The following SH3GL2 variants were observed in gnomAD, a reference collection of about 807,000 sequenced individuals.
SH3GL2 encodes the protein endophilin-A1.
In SH3GL2, 24 loss-of-function variants were observed where a neutral mutation model predicts 46.0. The observed-to-expected ratio is 0.52, with a 90% confidence interval of 0.38 to 0.73. The LOEUF (loss-of-function observed/expected upper bound fraction) is 0.73. Ranked by LOEUF, SH3GL2 falls within the 30% of genes least tolerant of loss-of-function variation. The pLI is 0.00. For missense variants in SH3GL2, 413 were observed against 424.2 expected (o/e 0.97, Z 0.23); for synonymous variants, 196 against 147.1 (o/e 1.33, Z -2.40).
At position 17,679,731 on chromosome 9, in the gene SH3GL2, G is replaced by T. The variant is rs187808879; in HGVS notation, c.46-67335G>T. On this transcript the variant is annotated intron_variant, in intron 1 of 8. Transcript: ENST00000380607. Reference sequence around the variant, plus strand: ...GAGTTTTCAAAGGGAATGCTTCCAGGTTTTGCCCATTCAGTATGATATTGG... The same window carrying T: ...GAGTTTTCAAAGGGAATGCTTCCAGTTTTTGCCCATTCAGTATGATATTGG... 1.7e-3 allele frequency among the ~76,000 whole-genome samples: 259 copies of T among 152,192 alleles called. 3 individuals are homozygous for T. Among genetic ancestry groups the T allele is most frequent in the African/African-American group, 5.1e-3 (211 of 41,534 alleles).
Position 17,787,365 on chromosome 9 carries a change from T to A in SH3GL2, c.332-15T>A. On this transcript the variant is annotated splice_polypyrimidine_tract_variant and intron_variant, in intron 4 of 8. Transcript: ENST00000380607. Reference sequence around the variant, plus strand: ...TCTTTATTCTGTAACATGAAAGAGCTTTATTCTCTCCTAGGCCCAGCACTT... The same window carrying A: ...TCTTTATTCTGTAACATGAAAGAGCATTATTCTCTCCTAGGCCCAGCACTT... The A allele has an allele frequency of 6.2e-7, 1 of 1,607,544 alleles. No individual in the cohort carries two copies. The highest frequency in any genetic ancestry group is 1.7e-5 in the Admixed American group (1 of 58,738).
chr9:17,681,097 T>C (rs1436040813), intron 1 of SH3GL2, among the ~76,000 whole-genome samples: 1 of 152,154 alleles, frequency 6.6e-6, no homozygotes, highest in Non-Finnish European at 1.5e-5. Context: ...CCAAATCTTT[T>C]AACTACCCAT....
chr9:17,762,335 G>A (rs1823200015), intron 3 of SH3GL2, among the ~76,000 whole-genome samples: 1 of 151,580 alleles, frequency 6.6e-6, no homozygotes, highest in Non-Finnish European at 1.5e-5. Context: ...TCCTAGAGAG[G>A]ATGGTGCAGA....
At chr9:17,750,504 G>T (rs1188404250) in intron 2 of SH3GL2, among the ~76,000 whole-genome samples, 1 of 152,020 alleles carries the variant, frequency 6.6e-6, no homozygotes, top group Non-Finnish European at 1.5e-5. Context: ...TGATTGGATA[G>T]AATCCTGCGG....
intron 1 of SH3GL2, among the ~76,000 whole-genome samples, chr9:17,626,335 G>C (rs1451283635): frequency 6.6e-6 from 1 of 152,210 alleles, no homozygotes. Context: ...GGACCTTTGT[G>C]AGGGACAGTT....
intron 7 of SH3GL2, 58 bp from the exon 8 acceptor site, chr9:17,793,309 T>C: frequency 1.3e-6 from 2 of 1,488,252 alleles, no homozygotes; most frequent in Non-Finnish European, 1.8e-6. Context: ...ATATTTGCTT[T>C]TCATTTTACT....
rs377071479 is a variant in SH3GL2, at chr9:17,710,490, G to C, written c.46-36576G>C. ...TGCAATTTAGGAATGAGAAGCTAGA[G>C]GAATTTTTCAACAAATTAAAACAAT... On this transcript the variant is annotated intron_variant, in intron 1 of 8. Transcript: ENST00000380607. Among the ~76,000 whole-genome samples the C allele has an allele frequency of 3.0e-4, 46 of 151,924 alleles. 1 individual carries two copies. In the East Asian group the frequency reaches 6.6e-3, roughly 22 times the overall value.
At chr9:17,752,691 G>A (rs1358363768) in intron 2 of SH3GL2, among the ~76,000 whole-genome samples, 2 of 152,008 alleles carry the variant, frequency 1.3e-5, no homozygotes, top group Non-Finnish European at 1.5e-5. Context: ...GATATTTGAG[G>A]TCCAATTTCT....
chr9:17,584,421 T>C (rs1818333393), intron 1 of SH3GL2, among the ~76,000 whole-genome samples: 1 of 152,166 alleles, frequency 6.6e-6, no homozygotes, highest in African/African-American at 2.4e-5. Context: ...GAGAATTGCC[T>C]GAACCCAGGA....
intron 2 of SH3GL2, among the ~76,000 whole-genome samples, chr9:17,751,269 G>A (rs1361770672): frequency 6.6e-6 from 1 of 152,146 alleles, no homozygotes; most frequent in Non-Finnish European, 1.5e-5. Context: ...GCAGATTCAG[G>A]TGTGGAGAAA....
chr9:17,709,159 A>G (rs978399755), intron 1 of SH3GL2, among the ~76,000 whole-genome samples: 2 of 152,040 alleles, frequency 1.3e-5, no homozygotes, highest in Non-Finnish European at 2.9e-5. Context: ...CTGCAGGTTG[A>G]AGTGTTTCCC....
At chr9:17,604,953 G>A (rs979258928) in intron 1 of SH3GL2, among the ~76,000 whole-genome samples, 1 of 151,070 alleles carries the variant, frequency 6.6e-6, no homozygotes. Flanking sequence ...CAGGGACAGA[G>A]GTATTAGTGT....
intron 1 of SH3GL2, among the ~76,000 whole-genome samples, chr9:17,683,136 A>C (rs1193255615): frequency 1.3e-4 from 20 of 152,242 alleles, no homozygotes; most frequent in Admixed American, 1.1e-3. Context: ...TGCTGATGTC[A>C]CATAAGCTAG....
At chr9:17,597,356 A>C (rs1453278632) in intron 1 of SH3GL2, among the ~76,000 whole-genome samples, 3 of 152,100 alleles carry the variant, frequency 2.0e-5, no homozygotes, top group Admixed American at 2.0e-4. Context: ...TCTGTGCTAA[A>C]ATACAAAAAA....
At chr9:17,741,349 T>C (rs1822524057) in intron 1 of SH3GL2, among the ~76,000 whole-genome samples, 1 of 152,194 alleles carries the variant, frequency 6.6e-6, no homozygotes, top group South Asian at 2.1e-4. Flanking sequence ...AAAATACATG[T>C]ATTTAGACGG....
chr9:17,586,220 C>T (rs1037610947), intron 1 of SH3GL2, among the ~76,000 whole-genome samples: 1 of 152,036 alleles, frequency 6.6e-6, no homozygotes, highest in African/African-American at 2.4e-5. Flanking sequence ...CCCTAATCTC[C>T]CTCCGCCATC....
At chr9:17,748,123 T>C (rs1035275733) in intron 2 of SH3GL2, among the ~76,000 whole-genome samples, 5 of 152,208 alleles carry the variant, frequency 3.3e-5, no homozygotes, top group Non-Finnish European at 7.3e-5. Context: ...ACAAAACATC[T>C]CATTTTATTT....
chr9:17,594,612 G>T (rs1241397715), intron 1 of SH3GL2, among the ~76,000 whole-genome samples: 1 of 151,908 alleles, frequency 6.6e-6, no homozygotes, highest in African/African-American at 2.4e-5. Flanking sequence ...AAACCTGCAC[G>T]TTCTGCACAT....
intron 1 of SH3GL2, among the ~76,000 whole-genome samples, chr9:17,678,232 C>A (rs1820666771): frequency 6.6e-6 from 1 of 151,988 alleles, no homozygotes; most frequent in Admixed American, 6.6e-5. Context: ...AATGGTTGAA[C>A]TAGTTTACAG....
Sources: allele counts gnomAD v4.1 joint callset (sites outside exome capture counted in the v4.1 genomes callset), GRCh38; gene constraint gnomAD v4.1.1; transcripts MANE v1.5; gene names NCBI Gene and HGNC (gene_info 2026-07-23, HGNC 2026-07-21).